Variants in DLEU7 observed in about 807,000 individuals in gnomAD.
DLEU7 encodes leukemia-associated protein 7.
A neutral mutation model predicts 16.0 loss-of-function variants in DLEU7; 17 were observed. That is an observed-to-expected ratio of 1.06 (90% confidence interval 0.73 to 1.59). The LOEUF (loss-of-function observed/expected upper bound fraction) is 1.59, where lower values mean the gene tolerates loss of function less well. Ranked by LOEUF, DLEU7 falls within the 40% of genes most tolerant of loss-of-function variation. The pLI is 0.00. For synonymous variants in DLEU7, 113 were observed against 139.8 expected (o/e 0.81, Z 1.35); for missense variants, 308 against 314.9 (o/e 0.98, Z 0.17).
At chr13:50,712,973 T>C (rs1593523181) in exon 2 of DLEU7, 1 of 496,192 alleles carries the variant, frequency 2.0e-6, no homozygotes, top group African/African-American at 1.9e-5. Context: ...CAGGATTACT[T>C]GGAGGTGAGA....
intron 1 of DLEU7, among the ~76,000 whole-genome samples, chr13:50,762,178 G>A (rs1327099233): frequency 6.9e-5 from 9 of 129,580 alleles, no homozygotes; most frequent in African/African-American, 2.5e-4. Context: ...GTGACAGAGC[G>A]AGACTCGTCT....
chr13:50,843,838 G>A, upstream of DLEU7: 1 of 706,170 alleles, frequency 1.4e-6, no homozygotes, highest in Non-Finnish European at 2.2e-6. This position sits in a 1 kb window ranked among gnomAD's most constrained non-coding sequence, Gnocchi z 5.7. Context: ...TTCGCCTGAA[G>A]TCCGAATCAG....
At chr13:50,806,387 T>A (rs1876390235) in intron 1 of DLEU7, among the ~76,000 whole-genome samples, 1 of 152,150 alleles carries the variant, frequency 6.6e-6, no homozygotes, top group South Asian at 2.1e-4. Context: ...GTCTTTATCC[T>A]GAATATATAG....
chr13:50,763,432 C>T (rs1056663558), intron 1 of DLEU7, among the ~76,000 whole-genome samples: 1 of 152,128 alleles, frequency 6.6e-6, no homozygotes, highest in Non-Finnish European at 1.5e-5. Flanking sequence ...GGGCCTGCAT[C>T]AGAAATCAAG....
chr13:50,762,754 A>C (rs1874975584), intron 1 of DLEU7, among the ~76,000 whole-genome samples: 1 of 149,922 alleles, frequency 6.7e-6, no homozygotes, highest in Non-Finnish European at 1.5e-5. Context: ...CAACAAAAAC[A>C]CACTCTCACA....
chr13:50,814,296 TC>T (rs961960384), intron 1 of DLEU7, among the ~76,000 whole-genome samples: 61 of 152,028 alleles, frequency 4.0e-4, no homozygotes, highest in African/African-American at 1.4e-3. Flanking sequence ...CCCAGACGAA[TC>T]ATCTATCCAC....
At chr13:50,723,136 C>T (rs1314921360) in intron 1 of DLEU7, 1 of 152,066 alleles carries the variant, frequency 6.6e-6, no homozygotes, top group East Asian at 1.9e-4. Context: ...ATCTGTTTTA[C>T]AGATTAAATT....
At chr13:50,738,326 T>A (rs1222248334) in intron 1 of DLEU7, among the ~76,000 whole-genome samples, 1 of 152,206 alleles carries the variant, frequency 6.6e-6, no homozygotes, top group Non-Finnish European at 1.5e-5. Context: ...CAGTAACCAC[T>A]GCCATTGTTT....
intron 1 of DLEU7, among the ~76,000 whole-genome samples, chr13:50,810,557 C>T (rs1047866820): frequency 6.6e-6 from 1 of 152,070 alleles, no homozygotes; most frequent in African/African-American, 2.4e-5. Context: ...AAGTTGAAGA[C>T]TATATCAGTA....
chr13:50,768,749 G>C (rs1233584316), intron 1 of DLEU7, among the ~76,000 whole-genome samples: 1 of 152,176 alleles, frequency 6.6e-6, no homozygotes, highest in Admixed American at 6.5e-5. Context: ...AAACATACGT[G>C]TGCATGTGTC....
intron 1 of DLEU7, among the ~76,000 whole-genome samples, chr13:50,759,589 C>A (rs531740791): frequency 6.6e-6 from 1 of 152,246 alleles, no homozygotes; most frequent in South Asian, 2.1e-4. Context: ...TAGATCAGGG[C>A]AGAAGGGCAC....
chr13:50,809,257 A>C (rs137956458), intron 1 of DLEU7, among the ~76,000 whole-genome samples: 1,901 of 152,298 alleles, frequency 0.012, 27 homozygotes, highest in East Asian at 0.034. Flanking sequence ...GGTTGAAAAA[A>C]AGAGACGTTT....
chr13:50,727,618 G>A (rs777757903), intron 1 of DLEU7, among the ~76,000 whole-genome samples: 1 of 152,086 alleles, frequency 6.6e-6, no homozygotes, highest in Non-Finnish European at 1.5e-5. Flanking sequence ...TAAGGCCTGG[G>A]CTCCCTGTGA....
At chr13:50,746,520 T>A (rs565648119) in intron 1 of DLEU7, among the ~76,000 whole-genome samples, 117 of 152,318 alleles carry the variant, frequency 7.7e-4, no homozygotes, top group African/African-American at 2.7e-3. Flanking sequence ...ATTGAATCAA[T>A]AAAATAAAGA....
At chr13:50,829,577 C>T (rs946020540) in intron 1 of DLEU7, among the ~76,000 whole-genome samples, 15 of 152,162 alleles carry the variant, frequency 9.9e-5, no homozygotes, top group African/African-American at 3.4e-4. Context: ...ATTACATGTA[C>T]AATAAAATTC....
chr13:50,823,195 T>C lies in DLEU7; in HGVS notation c.*119A>G. The C allele has an allele frequency of 1.4e-6, 2 of 1,478,308 alleles. No homozygotes were observed. The highest frequency in any genetic ancestry group is 1.4e-5 in the South Asian group (1 of 73,550). 91.6% of individuals were successfully genotyped at this position (1,478,308 alleles called of 1,614,324 possible). A position where few individuals can be genotyped will look rare whatever the true frequency, so the allele number is the denominator to read the frequency against. On this transcript the variant is annotated 3_prime_UTR_variant, in exon 2 of 2. Coordinates refer to ENST00000504404, the MANE Select transcript of DLEU7 (RefSeq NM_001306135.2). ...ACTGGTCAGACTGCTCCACGTACCA[T>C]CAAGTCTTTCCCCTTTGGATATAAA...
At position 50,716,650 on chromosome 13, in the gene DLEU7, A is replaced by G. The variant is rs532974155; in HGVS notation, c.460-3410T>C. Among the ~76,000 whole-genome samples, 4 of 152,354 alleles carry G rather than the reference A, an allele frequency of 2.6e-5. 1 individual carries two copies. In the South Asian group the frequency reaches 8.3e-4, roughly 32 times the overall value. On this transcript the variant is annotated intron_variant, in intron 1 of 1. Transcript: ENST00000400393. ...CTTCATGTGTAAGGTGGTAACAACA[A>G]TGTCTCCCCTGCCTTGTTCATAGGA... is the stretch of plus-strand genomic sequence containing the variant.
Position 50,843,316 on chromosome 13 carries a change from T to C in DLEU7, c.331A>G (p.Thr111Ala). The change falls in exon 1 of 2, where the codon ACC becomes GCC. Residue 111 changes from threonine (T) to alanine (A), a missense_variant. Coordinates refer to ENST00000504404, the MANE Select transcript of DLEU7 (RefSeq NM_001306135.2). The surrounding 1 kb of genome is among the most constrained non-coding windows in gnomAD (Gnocchi z 5.7). Reference protein sequence around the residue: ...LPFPRDRGPCTLAQMAMRSAL... With the variant: ...LPFPRDRGPCALAQMAMRSAL... ...CTGCGCATCGCCATCTGGGCCAGGGTGCAGGGCCCGCGGTCCCGGGGGAAG... is the reference window on the plus strand; with the variant it reads ...CTGCGCATCGCCATCTGGGCCAGGGCGCAGGGCCCGCGGTCCCGGGGGAAG... 1 of 1,516,484 alleles carries C rather than the reference T, an allele frequency of 6.6e-7. No individual in the cohort carries two copies. Among genetic ancestry groups the C allele is most frequent in the South Asian group, 1.2e-5 (1 of 80,366 alleles). 93.9% of individuals were successfully genotyped at this position (1,516,484 alleles called of 1,614,324 possible).
intron 1 of DLEU7, among the ~76,000 whole-genome samples, chr13:50,744,178 A>G (rs1008581581): frequency 6.6e-6 from 1 of 152,156 alleles, no homozygotes; most frequent in Admixed American, 6.5e-5. Flanking sequence ...AGACCCACTC[A>G]GCACTGATCT....
Sources: allele counts gnomAD v4.1 joint callset (sites outside exome capture counted in the v4.1 genomes callset), GRCh38; gene constraint gnomAD v4.1.1; non-coding constraint Gnocchi (gnomAD v3.1); transcripts MANE v1.5; gene names NCBI Gene and HGNC (gene_info 2026-07-23, HGNC 2026-07-21).